Variants in DLGAP2 observed in about 807,000 individuals in gnomAD.
DLGAP2 encodes the protein DLG associated protein 2.
DLGAP2 carries 26 observed loss-of-function variants against 100.3 expected under a neutral mutation model. The observed-to-expected ratio is 0.26, with a 90% CI of 0.19 to 0.36. The LOEUF (loss-of-function observed/expected upper bound fraction) is 0.36, where lower values mean the gene tolerates loss of function less well. Ranked by LOEUF, DLGAP2 falls within the 10% of genes least tolerant of loss-of-function variation. The pLI is 1.00. For missense variants in DLGAP2, 1,858 were observed against 1,453.2 expected (o/e 1.28, Z -4.53); for synonymous variants, 886 against 630.1 (o/e 1.41, Z -6.08).
intron 2 of DLGAP2, among the ~76,000 whole-genome samples, chr8:1,067,716 T>C (rs1179249389): frequency 1.3e-5 from 2 of 151,860 alleles, no homozygotes; most frequent in Non-Finnish European, 2.9e-5. Context: ...AGTTCCCATA[T>C]GGCCCCTGCC....
Position 1,702,788 on chromosome 8 carries a change from C to G in DLGAP2, c.*1382C>G, listed in dbSNP as rs1269794488. On this transcript the variant is annotated 3_prime_UTR_variant, in exon 15 of 15. Transcript: ENST00000637795. ...CCGGTCTTCAAAGGAAAAGCCTGTC[C>G]GATTTTTCCATGGGTTCCAGTTTCA... The G allele has an allele frequency of 6.6e-6, 1 of 152,332 alleles. No homozygotes were observed. The highest frequency in any genetic ancestry group is 1.5e-5 in the Non-Finnish European group (1 of 68,026). The allele number at this position is 152,332 out of a possible 1,614,324, so 9.4% of individuals were successfully genotyped here. A position where few individuals can be genotyped will look rare whatever the true frequency, so the allele number is the denominator to read the frequency against.
chr8:1,187,037 C>T (rs1252882304), intron 2 of DLGAP2, among the ~76,000 whole-genome samples: 3 of 150,828 alleles, frequency 2.0e-5, no homozygotes, highest in East Asian at 4.0e-4. Context: ...GTGGGCCTTT[C>T]CCAGGCCCCA....
intron 2 of DLGAP2, among the ~76,000 whole-genome samples, chr8:1,082,640 T>C (rs1275744354): frequency 6.6e-6 from 1 of 152,208 alleles, no homozygotes; most frequent in African/African-American, 2.4e-5. Context: ...GGGCTCCTCC[T>C]GGAGAAAGAT....
At chr8:1,640,469 T>A (rs1797871581) in intron 8 of DLGAP2, among the ~76,000 whole-genome samples, 1 of 152,192 alleles carries the variant, frequency 6.6e-6, no homozygotes, top group Admixed American at 6.5e-5. Context: ...CGGTCCGAGA[T>A]GTCCCAGGGA....
chr8:1,609,059 G>A (rs1451779325), intron 6 of DLGAP2, among the ~76,000 whole-genome samples: 10 of 140,438 alleles, frequency 7.1e-5, no homozygotes, highest in African/African-American at 1.3e-4. Flanking sequence ...GATACTCCTC[G>A]AGAAGAGCAA....
chr8:1,043,631 AG>A (rs759107425), intron 2 of DLGAP2, among the ~76,000 whole-genome samples: 43 of 151,890 alleles, frequency 2.8e-4, no homozygotes, highest in Non-Finnish European at 6.0e-4. Flanking sequence ...AGGGGGATGA[AG>A]GGGGAACATG....
chr8:1,571,251 GA>G (rs1280160389), intron 6 of DLGAP2, among the ~76,000 whole-genome samples: 3 of 134,548 alleles, frequency 2.2e-5, no homozygotes, highest in African/African-American at 5.7e-5. Flanking sequence ...GGAGAAGAGA[GA>G]GGGGTGAACT....
intron 3 of DLGAP2, among the ~76,000 whole-genome samples, chr8:1,321,205 A>G: frequency 6.9e-6 from 1 of 144,560 alleles, no homozygotes; most frequent in Admixed American, 6.9e-5. Flanking sequence ...ACGTGCATCC[A>G]TGTGCCTCTG....
chr8:843,601 C>T (rs924210595), intron 1 of DLGAP2, among the ~76,000 whole-genome samples: 1 of 152,246 alleles, frequency 6.6e-6, no homozygotes, highest in Non-Finnish European at 1.5e-5. Flanking sequence ...TGGGGCACTT[C>T]CCCGTATTTT....
chr8:1,371,161 A>G (rs1802228321), intron 3 of DLGAP2, among the ~76,000 whole-genome samples: 1 of 152,232 alleles, frequency 6.6e-6, no homozygotes, highest in Non-Finnish European at 1.5e-5. Context: ...AGAGTAAGAC[A>G]CGTCTTTCTT....
chr8:1,369,115 T>C (rs527619241), intron 3 of DLGAP2: 11 of 152,254 alleles, frequency 7.2e-5, no homozygotes, highest in Admixed American at 3.3e-4. Context: ...TAAATCCACA[T>C]TGGAATTCCA....
chr8:982,532 T>C (rs1013714908), intron 2 of DLGAP2, among the ~76,000 whole-genome samples: 1 of 152,180 alleles, frequency 6.6e-6, no homozygotes, highest in Non-Finnish European at 1.5e-5. Context: ...ATATTTTTTC[T>C]TTGTCAAGGA....
chr8:1,585,885 CA>C (rs1796103116), intron 6 of DLGAP2, among the ~76,000 whole-genome samples: 1 of 152,036 alleles, frequency 6.6e-6, no homozygotes, highest in African/African-American at 2.4e-5. Flanking sequence ...TGTCCATCGC[CA>C]GGGGTTTCCA....
intron 7 of DLGAP2, among the ~76,000 whole-genome samples, chr8:1,631,066 G>A (rs1390975874): frequency 3.3e-5 from 5 of 151,926 alleles, no homozygotes; most frequent in Non-Finnish European, 7.4e-5. Flanking sequence ...GGGTCTGGGC[G>A]GGAGGTCCGG....
intron 6 of DLGAP2, among the ~76,000 whole-genome samples, chr8:1,586,994 C>T (rs1423642043): frequency 6.6e-6 from 1 of 152,154 alleles, no homozygotes; most frequent in Admixed American, 6.5e-5. Flanking sequence ...GCTGATTATA[C>T]CCATAATCTA....
At chr8:1,119,951 C>G (rs1795996837) in intron 2 of DLGAP2, among the ~76,000 whole-genome samples, 1 of 152,182 alleles carries the variant, frequency 6.6e-6, no homozygotes, top group Non-Finnish European at 1.5e-5. Flanking sequence ...TGGAAGGCTG[C>G]TATAGGAAAT....
At chr8:1,419,045 C>G (rs1387467012) in intron 3 of DLGAP2, among the ~76,000 whole-genome samples, 1 of 152,270 alleles carries the variant, frequency 6.6e-6, no homozygotes, top group Non-Finnish European at 1.5e-5. Context: ...CATGTGGACT[C>G]TCCGTGCCCT....
intron 3 of DLGAP2, among the ~76,000 whole-genome samples, chr8:1,409,723 C>T (rs920093799): frequency 2.6e-5 from 4 of 152,140 alleles, no homozygotes; most frequent in African/African-American, 9.7e-5. Flanking sequence ...CTCCCCCAGT[C>T]CATGAGGGCT....
intron 1 of DLGAP2, among the ~76,000 whole-genome samples, chr8:744,852 G>A (rs578063817): frequency 5.5e-4 from 84 of 152,260 alleles, no homozygotes; most frequent in African/African-American, 1.9e-3. Flanking sequence ...CTGCTTCCCC[G>A]GCCCCGATGC....
Sources: allele counts gnomAD v4.1 joint callset (sites outside exome capture counted in the v4.1 genomes callset), GRCh38; gene constraint gnomAD v4.1.1; transcripts MANE v1.5; gene names NCBI Gene and HGNC (gene_info 2026-07-23, HGNC 2026-07-21).